PTPRG: variants seen among roughly 807,000 people sequenced by gnomAD.
The protein encoded by PTPRG is receptor-type tyrosine-protein phosphatase gamma.
PTPRG carries 102 observed loss-of-function variants against 165.3 expected under a neutral mutation model. That is an observed-to-expected ratio of 0.62 (90% confidence interval 0.53 to 0.73). The LOEUF (loss-of-function observed/expected upper bound fraction) is 0.73. Among genes scored for constraint, PTPRG ranks in the 30% least tolerant of loss-of-function variants. The pLI is 0.00. For missense variants in PTPRG, 1,866 were observed against 1,861.4 expected (o/e 1.00, Z -0.05); for synonymous variants, 675 against 669.5 (o/e 1.01, Z -0.13).
At chr3:62,282,566 AC>A (rs1417379145) in intron 27 of PTPRG, among the ~76,000 whole-genome samples, 160 bp from the exon 28 acceptor site, 12 of 151,208 alleles carry the variant, frequency 7.9e-5, no homozygotes, top group African/African-American at 2.9e-4. Flanking sequence ...AAAAAAAAAA[AC>A]CTTCCTGGTA....
intron 2 of PTPRG, among the ~76,000 whole-genome samples, chr3:61,949,166 A>G (rs1256734658): frequency 3.3e-5 from 5 of 152,158 alleles, no homozygotes; most frequent in Middle Eastern, 3.2e-3. Context: ...CTGATGGCTT[A>G]AAAAAACAAC....
Position 61,679,085 on chromosome 3 carries a change from C to T in PTPRG, c.86-69793C>T, listed in dbSNP as rs1703337042. ...CACGTGATTGAGAGACTGGTAGAAACATGGCAAGATTGGGCCACAGTCAAA... is the reference window on the plus strand; with the variant it reads ...CACGTGATTGAGAGACTGGTAGAAATATGGCAAGATTGGGCCACAGTCAAA... On this transcript the variant is annotated intron_variant, in intron 1 of 29. Transcript: ENST00000474889. Among the ~76,000 whole-genome samples the T allele has an allele frequency of 2.6e-5, 4 of 152,268 alleles. No homozygotes were observed. In the South Asian group the frequency reaches 8.3e-4, roughly 32 times the overall value.
intron 4 of PTPRG, among the ~76,000 whole-genome samples, chr3:62,073,782 A>C (rs1282957883): frequency 6.6e-6 from 1 of 152,216 alleles, no homozygotes; most frequent in African/African-American, 2.4e-5. Flanking sequence ...CACCCAGCTG[A>C]CAAACCTCAA....
intron 19 of PTPRG, 75 bp downstream of exon 19, chr3:62,267,894 G>A (rs186185626): frequency 6.6e-7 from 1 of 1,513,914 alleles, no homozygotes; most frequent in Admixed American, 1.9e-5. Context: ...CTGCTTTAGG[G>A]TAGGAACTTG....
At chr3:61,875,734 G>T (rs1406128118) in intron 2 of PTPRG, among the ~76,000 whole-genome samples, 1 of 152,078 alleles carries the variant, frequency 6.6e-6, no homozygotes, top group Non-Finnish European at 1.5e-5. Context: ...TTTTAAGAGT[G>T]CCATCATTTC....
chr3:61,595,545 A>G (rs968887794), intron 1 of PTPRG, among the ~76,000 whole-genome samples: 3 of 152,214 alleles, frequency 2.0e-5, no homozygotes, highest in African/African-American at 4.8e-5. Context: ...AGAGAATTTC[A>G]TTTTGGTAAC....
intron 4 of PTPRG, among the ~76,000 whole-genome samples, chr3:62,006,290 T>G (rs1400448352): frequency 1.3e-5 from 2 of 152,212 alleles, no homozygotes; most frequent in Non-Finnish European, 2.9e-5. Flanking sequence ...TTTCAGAGAT[T>G]AAATAACTGC....
Position 62,203,882 on chromosome 3 carries a change from C to T in PTPRG, c.2087C>T (p.Pro696Leu). ...AGSDPKRPEM[P>L]SKKPMSRGDR... ...AGTGATCCCAAGAGGCCCGAAATGC[C>T]ATCTAAAAAGCCTATGTCCCGCGGG... Residue 696 changes from proline to leucine, a missense_variant, in exon 12 of 30, where the codon CCA (proline) becomes CTA (leucine). By Grantham distance (98) the Pro-to-Leu change is moderately conservative. This residue lies in a region of PTPRG where 1,452 missense variants were observed against 1,463.0 expected (regional missense o/e 0.99). Coordinates refer to ENST00000474889, the MANE Select transcript of PTPRG (RefSeq NM_002841.4). The surrounding 1 kb of genome is among the most constrained non-coding windows in gnomAD (Gnocchi z 6.4). 1 of 1,613,292 alleles carries T rather than the reference C, an allele frequency of 6.2e-7. No homozygotes were observed. Among genetic ancestry groups the T allele is most frequent in the South Asian group, 1.1e-5 (1 of 90,998 alleles).
chr3:61,742,859 G>A (rs644860), intron 1 of PTPRG: 54,977 of 1,564,842 alleles, frequency 0.035, 1,096 homozygotes, highest in Non-Finnish European at 0.041. Context: ...ATGTCCATGT[G>A]GGGGATATCC....
At chr3:61,964,194 AAG>A (rs2040217372) in intron 2 of PTPRG, among the ~76,000 whole-genome samples, 2 of 152,368 alleles carry the variant, frequency 1.3e-5, no homozygotes, top group Non-Finnish European at 2.9e-5. Context: ...GTTGATGGGA[AAG>A]AGGGGACAAT....
chr3:61,887,918 A>G (rs899540456), intron 2 of PTPRG, among the ~76,000 whole-genome samples: 1 of 152,208 alleles, frequency 6.6e-6, no homozygotes, highest in African/African-American at 2.4e-5. Context: ...CACAGGGACA[A>G]CGTTATAGAT....
intron 1 of PTPRG, among the ~76,000 whole-genome samples, chr3:61,694,063 G>A (rs1471224487): frequency 6.7e-6 from 1 of 150,352 alleles, no homozygotes; most frequent in East Asian, 2.0e-4. Context: ...GCTTTAAAAA[G>A]TAGGTGATGT....
At chr3:62,022,048 A>G (rs888414261) in intron 4 of PTPRG, among the ~76,000 whole-genome samples, 17 of 152,068 alleles carry the variant, frequency 1.1e-4, no homozygotes, top group Non-Finnish European at 1.0e-4. Flanking sequence ...TTTACGTTAA[A>G]TTTTATTCAT....
At chr3:61,903,820 A>G (rs1373850919) in intron 2 of PTPRG, among the ~76,000 whole-genome samples, 1 of 152,216 alleles carries the variant, frequency 6.6e-6, no homozygotes, top group Non-Finnish European at 1.5e-5. Flanking sequence ...ATGACCTTAC[A>G]ATCAGGTCAT....
intron 2 of PTPRG, among the ~76,000 whole-genome samples, chr3:61,832,378 C>G (rs748067531): frequency 6.6e-6 from 1 of 152,142 alleles, no homozygotes; most frequent in Non-Finnish European, 1.5e-5. Context: ...TTCTCATAAC[C>G]CTATGAGATA....
At chr3:62,102,926 T>A (rs892730915) in intron 5 of PTPRG, among the ~76,000 whole-genome samples, 2 of 152,190 alleles carry the variant, frequency 1.3e-5, no homozygotes, top group Admixed American at 6.5e-5. Context: ...TGAAAAGGCA[T>A]TTTTTAGCTT....
chr3:62,277,150 C>A, intron 25 of PTPRG, 102 bp downstream of exon 25: 1 of 886,702 alleles, frequency 1.1e-6, no homozygotes, highest in South Asian at 1.6e-5. Flanking sequence ...AATAATTTCT[C>A]AATGTGTAAT....
chr3:62,043,130 C>G (rs1300964046), intron 4 of PTPRG, among the ~76,000 whole-genome samples: 1 of 152,098 alleles, frequency 6.6e-6, no homozygotes. Context: ...ATGAGAAAGG[C>G]AAAACTCATT....
At chr3:62,032,141 G>A (rs1015248868) in intron 4 of PTPRG, among the ~76,000 whole-genome samples, 2 of 152,204 alleles carry the variant, frequency 1.3e-5, no homozygotes, top group Non-Finnish European at 2.9e-5. Context: ...ACATCTTGGG[G>A]AAGGTAGATG....
Sources: allele counts gnomAD v4.1 joint callset (sites outside exome capture counted in the v4.1 genomes callset), GRCh38; gene constraint gnomAD v4.1.1; regional missense constraint gnomAD v4.1.1; non-coding constraint Gnocchi (gnomAD v3.1); transcripts MANE v1.5; gene names NCBI Gene and HGNC (gene_info 2026-07-23, HGNC 2026-07-21).